The following TCF7L1 variants were observed in gnomAD, a reference collection of about 807,000 sequenced individuals.
The protein encoded by TCF7L1 is transcription factor 7 like 1, also known as transcription factor 7-like 1.
A neutral mutation model predicts 63.7 loss-of-function variants in TCF7L1; 18 were observed. The observed-to-expected ratio is 0.28, with a 90% CI of 0.20 to 0.42. The LOEUF (loss-of-function observed/expected upper bound fraction) is 0.42. Ranked by LOEUF, TCF7L1 falls within the 10% of genes least tolerant of loss-of-function variation. The probability of loss-of-function intolerance (pLI) is 1.00; values close to 1 mark genes in which losing one functional copy is unlikely to be tolerated. For synonymous variants in TCF7L1, 355 were observed against 340.9 expected, an observed-to-expected ratio of 1.04 and a Z score of -0.46; for missense variants, 654 against 779.3, an observed-to-expected ratio of 0.84 and a Z score of 1.91.
intron 4 of TCF7L1, among the ~76,000 whole-genome samples, chr2:85,294,026 ATTT>A (rs774050758): frequency 0.037 from 2,203 of 59,468 alleles, 61 homozygotes; most frequent in African/African-American, 0.071. Context: ...GAACACTGGG[ATTT>A]TTTTTTTTTT....
At chr2:85,218,135 C>G (rs2104297671) in intron 3 of TCF7L1, among the ~76,000 whole-genome samples, 1 of 152,032 alleles carries the variant, frequency 6.6e-6, no homozygotes, top group Non-Finnish European at 1.5e-5. Context: ...AATTTTTTTC[C>G]AGACAATAAA....
At position 85,187,061 on chromosome 2, in the gene TCF7L1, A is replaced by G. The variant is rs998871792; in HGVS notation, c.441+52611A>G. 10 of 152,188 alleles carry G rather than the reference A, an allele frequency of 6.6e-5. No individual in the cohort carries two copies. The East Asian group carries it at 1.3e-3, about 20-fold the overall frequency. The allele number at this position is 152,188 out of a possible 1,614,324, so 9.4% of individuals were successfully genotyped here. Reference sequence around the variant, plus strand: ...GACTAAGATGCAGCACCAGATACACATTTTGGAAGAACTGACCTTATTGTT... The same window carrying G: ...GACTAAGATGCAGCACCAGATACACGTTTTGGAAGAACTGACCTTATTGTT... On this transcript the variant is annotated intron_variant, in intron 3 of 11. Coordinates refer to ENST00000282111, the MANE Select transcript of TCF7L1 (RefSeq NM_031283.3).
intron 3 of TCF7L1, among the ~76,000 whole-genome samples, chr2:85,236,492 A>C (rs1680195779): frequency 6.6e-6 from 1 of 152,118 alleles, no homozygotes. Context: ...CAATTGTGTG[A>C]ACCCCCTGGT....
chr2:85,146,381 T>A (rs1055987161), intron 3 of TCF7L1, among the ~76,000 whole-genome samples: 66 of 152,100 alleles, frequency 4.3e-4, no homozygotes, highest in Admixed American at 4.1e-3. Flanking sequence ...GACGTGACAA[T>A]GCATGAAAAT....
At chr2:85,266,848 C>A (rs961012690) in intron 3 of TCF7L1, among the ~76,000 whole-genome samples, 2 of 152,202 alleles carry the variant, frequency 1.3e-5, no homozygotes, top group African/African-American at 4.8e-5. Flanking sequence ...AAAAAAATAA[C>A]CTGATCCATC....
At chr2:85,274,092 G>A (rs944831828) in intron 3 of TCF7L1, among the ~76,000 whole-genome samples, 1 of 152,134 alleles carries the variant, frequency 6.6e-6, no homozygotes, top group Non-Finnish European at 1.5e-5. Context: ...GCCCAGCAGG[G>A]TTCACCTCAG....
intron 3 of TCF7L1, among the ~76,000 whole-genome samples, chr2:85,277,824 A>C (rs532158753): frequency 6.6e-6 from 1 of 152,260 alleles, no homozygotes; most frequent in South Asian, 2.1e-4. Flanking sequence ...GCCCTGCTTA[A>C]AGGCTTTTCT....
At chr2:85,136,606 C>A (rs1242425174) in intron 3 of TCF7L1, among the ~76,000 whole-genome samples, 2 of 152,132 alleles carry the variant, frequency 1.3e-5, no homozygotes, top group Non-Finnish European at 2.9e-5. Context: ...CCCATCCCAC[C>A]CCCATACCTA....
intron 3 of TCF7L1, among the ~76,000 whole-genome samples, chr2:85,223,090 G>A (rs1679882133): frequency 6.6e-6 from 1 of 152,116 alleles, no homozygotes; most frequent in East Asian, 1.9e-4. Context: ...TTCCAAAATG[G>A]TTTGTTTTTG....
In TCF7L1 at chr2:85,306,915, C is replaced by T. The variant is rs891646724; in HGVS notation, c.1257+356C>T. On this transcript the variant is annotated intron_variant, in intron 10 of 11. Coordinates refer to ENST00000282111, the MANE Select transcript of TCF7L1 (RefSeq NM_031283.3). The surrounding 1 kb of genome is among the most constrained non-coding windows in gnomAD (Gnocchi z 4.3). ...TCCTGACCTCGTGATCCGCCCACCT[C>T]GGCCTCCCAAAGCGCTGGGATTACA... Among the ~76,000 whole-genome samples the T allele has an allele frequency of 1.3e-5, 2 of 152,308 alleles. No individual in the cohort carries two copies. Among genetic ancestry groups the T allele is most frequent in the South Asian group, 2.1e-4 (1 of 4,826 alleles).
intron 4 of TCF7L1, among the ~76,000 whole-genome samples, chr2:85,287,818 G>T (rs934591256): frequency 6.6e-6 from 1 of 152,010 alleles, no homozygotes; most frequent in Non-Finnish European, 1.5e-5. Flanking sequence ...CGGGGAGGAG[G>T]GTATATGAGT....
intron 3 of TCF7L1, among the ~76,000 whole-genome samples, chr2:85,188,295 T>C (rs1678971739): frequency 6.6e-6 from 1 of 152,170 alleles, no homozygotes; most frequent in Admixed American, 6.5e-5. Flanking sequence ...GTAAAACTGG[T>C]GAAATCTGAG....
At chr2:85,278,521 A>G (rs929235909) in intron 3 of TCF7L1, among the ~76,000 whole-genome samples, 8 of 152,264 alleles carry the variant, frequency 5.3e-5, no homozygotes, top group Non-Finnish European at 7.3e-5. Context: ...AAGAAAATCT[A>G]TTGCTATATA....
intron 3 of TCF7L1, among the ~76,000 whole-genome samples, chr2:85,205,445 T>C (rs1271698045): frequency 6.6e-6 from 1 of 152,110 alleles, no homozygotes; most frequent in Non-Finnish European, 1.5e-5. Flanking sequence ...GATGGACTCA[T>C]GTGCAGATAG....
rs1317073955 is a variant in TCF7L1, at chr2:85,134,100, C to G, written c.313+21C>G. 1 of 1,606,454 alleles carries G rather than the reference C, an allele frequency of 6.2e-7. No homozygotes were observed. The highest frequency in any genetic ancestry group is 1.7e-5 in the Admixed American group (1 of 59,684). ...CGAAGGTATGTGCCCGCTGGGACAG[C>G]CCCCCACTCTCGATTCCCGCTGCGC... On this transcript the variant is annotated intron_variant, in intron 2 of 11. Transcript: ENST00000282111. This position sits in a 1 kb window ranked among gnomAD's most constrained non-coding sequence, Gnocchi z 5.0.
intron 11 of TCF7L1, 55 bp downstream of exon 11, chr2:85,307,772 C>A: frequency 2.0e-6 from 3 of 1,501,366 alleles, no homozygotes; most frequent in Non-Finnish European, 1.9e-6. Context: ...CACAGCCACA[C>A]CTGCCCATGC....
At chr2:85,196,448 G>A (rs148284888) in intron 3 of TCF7L1, among the ~76,000 whole-genome samples, 78 of 152,220 alleles carry the variant, frequency 5.1e-4, no homozygotes, top group African/African-American at 1.8e-3. Flanking sequence ...GTGATTCTCA[G>A]CCCAGCAGCA....
intron 3 of TCF7L1, among the ~76,000 whole-genome samples, chr2:85,277,519 C>T (rs1681302996): frequency 6.6e-6 from 1 of 152,002 alleles, no homozygotes; most frequent in South Asian, 2.1e-4. Flanking sequence ...GCTCTAGGTC[C>T]CCAAAGTCAC....
chr2:85,197,387 C>G lies in TCF7L1; in HGVS notation c.441+62937C>G, dbSNP rs555201521. 7.6e-4 allele frequency among the ~76,000 whole-genome samples: 115 copies of G among 152,172 alleles called. 1 individual carries two copies. The South Asian group carries it at 0.022, about 30-fold the overall frequency. ...TGCACTCTAGCCTGGGCAACAAGAG[C>G]GAAACTCTGTCTCAAAAAATATATA... On this transcript the variant is annotated intron_variant, in intron 3 of 11. Transcript: ENST00000282111.
Sources: gnomAD v4.1 joint callset for allele counts (sites outside exome capture counted in the v4.1 genomes callset) on GRCh38, gnomAD v4.1.1 for gene constraint, Gnocchi (gnomAD v3.1) non-coding constraint, MANE v1.5 for transcripts, NCBI Gene and HGNC (gene_info 2026-07-23, HGNC 2026-07-21) for gene names.